Variants in ZBTB46 observed in about 807,000 individuals in gnomAD.
The protein encoded by ZBTB46 is zinc finger and BTB domain-containing protein 46.
In ZBTB46, 8 loss-of-function variants were observed where a neutral mutation model predicts 44.1. The ratio of observed to expected loss-of-function variants is 0.18; its 90% CI spans 0.11 to 0.33. The LOEUF (loss-of-function observed/expected upper bound fraction) is 0.33. Ranked by LOEUF, ZBTB46 falls within the 10% of genes least tolerant of loss-of-function variation. The pLI, the probability that ZBTB46 is intolerant of heterozygous loss-of-function variation, is 1.00. For missense variants in ZBTB46, 651 were observed against 847.7 expected, an observed-to-expected ratio of 0.77 and a Z score of 2.88; for synonymous variants, 409 against 382.3, an observed-to-expected ratio of 1.07 and a Z score of -0.81.
At chr20:63,830,392 C>A (rs946957937) in intron 1 of ZBTB46, among the ~76,000 whole-genome samples, 6 of 151,258 alleles carry the variant, frequency 4.0e-5, no homozygotes, top group Non-Finnish European at 7.4e-5. Context: ...CCGCGCGCCC[C>A]GTCCGCCCCG....
intron 3 of ZBTB46, among the ~76,000 whole-genome samples, chr20:63,771,730 G>T (rs1048352952): frequency 2.4e-4 from 36 of 152,372 alleles, no homozygotes; most frequent in African/African-American, 8.2e-4. Context: ...ACCTGTCGGG[G>T]ACAGAAGGCC....
chr20:63,787,415 C>T lies in ZBTB46; in HGVS notation c.937+2406G>A, dbSNP rs114866198. Reference sequence around the variant, plus strand: ...TCAGCCTTCATGTTCCCTCAGCACTCGCTCACCCAGGGCAACCTGCAGTGC... The same window carrying T: ...TCAGCCTTCATGTTCCCTCAGCACTTGCTCACCCAGGGCAACCTGCAGTGC... On this transcript the variant is annotated intron_variant, in intron 2 of 4. Transcript: ENST00000245663. The surrounding 1 kb of genome is among the most constrained non-coding windows in gnomAD (Gnocchi z 4.6). Among the ~76,000 whole-genome samples, 166 of 152,348 alleles carry T rather than the reference C, an allele frequency of 1.1e-3. No individual in the cohort carries two copies. Among genetic ancestry groups the T allele is most frequent in the Non-Finnish European group, 1.9e-3 (127 of 68,028 alleles).
chr20:63,760,489 A>G (rs6062309), intron 3 of ZBTB46, among the ~76,000 whole-genome samples: 77,515 of 150,860 alleles, frequency 0.51, 20,916 homozygotes, highest in African/African-American at 0.66. Flanking sequence ...TTTTTGAGAC[A>G]GAGTCTCACT....
upstream of ZBTB46, among the ~76,000 whole-genome samples, chr20:63,831,836 C>T (rs2092854057): frequency 6.6e-6 from 1 of 151,734 alleles, no homozygotes; most frequent in South Asian, 2.1e-4. Context: ...TTGGCGACTC[C>T]CCCAGCCCGG....
chr20:63,755,548 C>T (rs1013985147), intron 3 of ZBTB46, among the ~76,000 whole-genome samples: 12 of 152,184 alleles, frequency 7.9e-5, no homozygotes, highest in Non-Finnish European at 4.4e-5. Flanking sequence ...TTTTGAGATC[C>T]TTTATCACAT....
chr20:63,814,190 G>A (rs1339040922), intron 1 of ZBTB46, among the ~76,000 whole-genome samples: 5 of 146,322 alleles, frequency 3.4e-5, no homozygotes, highest in Admixed American at 1.4e-4. Context: ...CCGAGATCAC[G>A]CCACTGCACT....
chr20:63,800,935 G>A (rs577546161), intron 1 of ZBTB46, among the ~76,000 whole-genome samples: 2 of 152,346 alleles, frequency 1.3e-5, no homozygotes, highest in African/African-American at 4.8e-5. Context: ...GAGCGGGACT[G>A]GCAGGCAGCT....
intron 3 of ZBTB46, among the ~76,000 whole-genome samples, chr20:63,754,492 C>T (rs1395778914): frequency 6.6e-6 from 1 of 152,146 alleles, no homozygotes; most frequent in South Asian, 2.1e-4. Flanking sequence ...GATGAGGTCT[C>T]GCCATGTTGC....
At chr20:63,769,361 G>C in intron 3 of ZBTB46, 1 of 985,394 alleles carries the variant, frequency 1.0e-6, no homozygotes, top group East Asian at 1.1e-4. Flanking sequence ...TGCCATCAGC[G>C]ACCCTCACAA....
At chr20:63,801,305 T>C (rs1275133819) in intron 1 of ZBTB46, among the ~76,000 whole-genome samples, 2 of 152,164 alleles carry the variant, frequency 1.3e-5, no homozygotes. Context: ...CAATCAGTGC[T>C]CTGTGTCTAG....
chr20:63,752,933 T>G lies in ZBTB46; in HGVS notation c.1223-72A>C. On this transcript the variant is annotated intron_variant, in intron 3 of 4. Coordinates refer to ENST00000245663, the MANE Select transcript of ZBTB46 (RefSeq NM_001369741.1). This position sits in a 1 kb window ranked among gnomAD's most constrained non-coding sequence, Gnocchi z 5.6. ...CGCCCTGCGGCCCACAGACCACGGCTGCACGCCGCAGCCCAGCAGCCAGGA... is the reference window on the plus strand; with the variant it reads ...CGCCCTGCGGCCCACAGACCACGGCGGCACGCCGCAGCCCAGCAGCCAGGA... 2 of 1,493,922 alleles carry G rather than the reference T, an allele frequency of 1.3e-6. No individual in the cohort carries two copies. The highest frequency in any genetic ancestry group is 1.8e-6 in the Non-Finnish European group (2 of 1,115,526). 92.5% of individuals were successfully genotyped at this position (1,493,922 alleles called of 1,614,324 possible). A position where few individuals can be genotyped will look rare whatever the true frequency, so the allele number is the denominator to read the frequency against.
chr20:63,795,656 C>T (rs1601488768), intron 1 of ZBTB46, among the ~76,000 whole-genome samples: 1 of 152,200 alleles, frequency 6.6e-6, no homozygotes, highest in African/African-American at 2.4e-5. Flanking sequence ...TCCCACCCAT[C>T]GTGCCGTCCT....
At position 63,767,143 on chromosome 20, in the gene ZBTB46, G is replaced by A. The variant is rs1035556713; in HGVS notation, c.1222+8535C>T. ...GTAATTCCACGCCGACACGTGGAGC[G>A]CCGCGCACATGCCAGGCACACACCG... On this transcript the variant is annotated intron_variant, in intron 3 of 4. Coordinates refer to ENST00000245663, the MANE Select transcript of ZBTB46 (RefSeq NM_001369741.1). This position sits in a 1 kb window ranked among gnomAD's most constrained non-coding sequence, Gnocchi z 5.0. Among the ~76,000 whole-genome samples the A allele has an allele frequency of 2.0e-5, 3 of 152,322 alleles. No individual in the cohort carries two copies. Among genetic ancestry groups the A allele is most frequent in the Admixed American group, 6.5e-5 (1 of 15,306 alleles).
chr20:63,765,202 C>T (rs1187005887), intron 3 of ZBTB46, among the ~76,000 whole-genome samples: 1 of 151,946 alleles, frequency 6.6e-6, no homozygotes, highest in Non-Finnish European at 1.5e-5. Flanking sequence ...TTGTTTCTTG[C>T]TTCTTGGGAT....
intron 1 of ZBTB46, chr20:63,807,991 CAG>C (rs2092692414): frequency 6.7e-6 from 1 of 149,828 alleles, no homozygotes; most frequent in Non-Finnish European, 1.5e-5. Flanking sequence ...GACCTTCCCA[CAG>C]GGGACACTCA....
At chr20:63,762,773 G>A (rs1040774672) in intron 3 of ZBTB46, among the ~76,000 whole-genome samples, 29 of 152,228 alleles carry the variant, frequency 1.9e-4, no homozygotes, top group South Asian at 1.2e-3. Context: ...AGTCCCTCTT[G>A]AGTAATACTT....
chr20:63,794,232 G>GT (rs1394584530), intron 1 of ZBTB46, among the ~76,000 whole-genome samples: 1 of 150,404 alleles, frequency 6.6e-6, no homozygotes, highest in African/African-American at 2.4e-5. Flanking sequence ...AAGGAAAAAA[G>GT]TAACAATCTT....
intron 1 of ZBTB46, among the ~76,000 whole-genome samples, 174 bp downstream of exon 1, chr20:63,830,923 A>G (rs1418998762): frequency 7.3e-6 from 1 of 136,872 alleles, no homozygotes; most frequent in African/African-American, 2.7e-5. Flanking sequence ...CGCAGCTGGG[A>G]GCGCCGATGG....
rs149279338 is a variant in ZBTB46, at chr20:63,798,058, T to C, written c.-33-7268A>G. On this transcript the variant is annotated intron_variant, in intron 1 of 4. Coordinates refer to ENST00000245663, the MANE Select transcript of ZBTB46 (RefSeq NM_001369741.1). ...GCCATTGCTTTTGGTGTTTTAGACA[T>C]GAAGTCCTTGCCCATGCCTGTGTCC... Among the ~76,000 whole-genome samples, 1,309 of 152,352 alleles carry C rather than the reference T, an allele frequency of 8.6e-3. 12 individuals carry two copies. The highest frequency in any genetic ancestry group is 0.011 in the Non-Finnish European group (717 of 68,038).
Sources: allele counts gnomAD v4.1 joint callset (sites outside exome capture counted in the v4.1 genomes callset), GRCh38; gene constraint gnomAD v4.1.1; non-coding constraint Gnocchi (gnomAD v3.1); transcripts MANE v1.5; gene names NCBI Gene and HGNC (gene_info 2026-07-23, HGNC 2026-07-21).